ODAD2: variants seen among roughly 807,000 people sequenced by gnomAD.
ODAD2 encodes outer dynein arm docking complex subunit 2, also known as outer dynein arm-docking complex subunit 2.
A neutral mutation model predicts 106.8 loss-of-function variants in ODAD2; 89 were observed. The observed-to-expected ratio is 0.83, with a 90% CI of 0.70 to 0.99. The LOEUF (loss-of-function observed/expected upper bound fraction) is 0.99, where lower values mean the gene tolerates loss of function less well. ODAD2 is among the 50% of genes least tolerant of loss of function. The pLI is 0.00. For missense variants in ODAD2, 1,168 were observed against 1,238.5 expected (o/e 0.94, Z 0.85); for synonymous variants, 404 against 436.2 (o/e 0.93, Z 0.92).
Position 27,892,214 on chromosome 10 carries a change from ATCTTAATAGGAAAAAAGAACTTT to A in ODAD2, c.2610+15426_2610+15448del, listed in dbSNP as rs563307715. ...CTTAGGATCTCTGTCCTTTTTAGCA[ATCTTAATAGGAAAAAAGAACTTT>A]TCTTAGACATAACACAGAAAAGATC... On this transcript the variant is annotated intron_variant, in intron 17 of 19. Coordinates refer to ENST00000305242, the MANE Select transcript of ODAD2 (RefSeq NM_018076.5). Among the ~76,000 whole-genome samples the A allele has an allele frequency of 3.6e-3, 551 of 152,310 alleles. 2 individuals are homozygous for A. Among genetic ancestry groups the A allele is most frequent in the African/African-American group, 0.013 (529 of 41,568 alleles).
intron 17 of ODAD2, among the ~76,000 whole-genome samples, chr10:27,903,153 A>C (rs939852989): frequency 2.0e-5 from 3 of 152,228 alleles, no homozygotes; most frequent in African/African-American, 7.2e-5. Context: ...ACATATGCAA[A>C]TCAATAAACG....
intron 17 of ODAD2, among the ~76,000 whole-genome samples, chr10:27,900,920 C>T (rs189617552): frequency 2.6e-5 from 4 of 152,282 alleles, no homozygotes; most frequent in African/African-American, 9.6e-5. Context: ...ACTTCCCCAA[C>T]CTAGCAAGAC....
intron 9 of ODAD2, among the ~76,000 whole-genome samples, chr10:27,966,822 T>G (rs181854796): frequency 6.6e-6 from 1 of 152,112 alleles, no homozygotes; most frequent in Non-Finnish European, 1.5e-5. Context: ...ATGAAGTAGA[T>G]ATACTTTTCC....
chr10:27,947,132 C>G (rs984624529), intron 10 of ODAD2, among the ~76,000 whole-genome samples: 2 of 152,148 alleles, frequency 1.3e-5, no homozygotes, highest in African/African-American at 4.8e-5. Context: ...AAAGTTACCG[C>G]CACCAATACC....
intron 19 of ODAD2, among the ~76,000 whole-genome samples, chr10:27,837,486 T>G (rs1837984349): frequency 6.6e-6 from 1 of 152,182 alleles, no homozygotes; most frequent in Admixed American, 6.5e-5. Flanking sequence ...CAGAAAATCA[T>G]GGGTCTAGAG....
intron 17 of ODAD2, among the ~76,000 whole-genome samples, chr10:27,885,697 T>A (rs185103228): frequency 2.3e-5 from 1 of 44,406 alleles, no homozygotes; most frequent in Non-Finnish European, 4.0e-5. Context: ...TAATATATAA[T>A]ATATATAAAA....
intron 19 of ODAD2, among the ~76,000 whole-genome samples, chr10:27,819,301 C>T (rs7077784): frequency 0.15 from 22,879 of 151,912 alleles, 3,155 homozygotes; most frequent in African/African-American, 0.35. Context: ...GAGAACTTCA[C>T]CCTGTTTTGA....
At chr10:27,904,218 A>G in intron 17 of ODAD2, 1 of 370,070 alleles carries the variant, frequency 2.7e-6, no homozygotes, top group Admixed American at 2.5e-5. Context: ...TGTGGTGCAC[A>G]TTCCTAAAGC....
intron 19 of ODAD2, among the ~76,000 whole-genome samples, chr10:27,855,143 C>A (rs1007900388): frequency 1.3e-5 from 2 of 151,870 alleles, no homozygotes; most frequent in Non-Finnish European, 2.9e-5. Context: ...AAAGTGTACA[C>A]CTTAAAATGT....
intron 17 of ODAD2, among the ~76,000 whole-genome samples, chr10:27,899,246 G>A (rs1321551233): frequency 6.6e-6 from 1 of 151,974 alleles, no homozygotes; most frequent in Non-Finnish European, 1.5e-5. Flanking sequence ...AAGGGGGAGT[G>A]TGGGACTGTG....
rs553240797 is a variant in ODAD2, at chr10:27,962,909, C to G, written c.1239-1194G>C. Among the ~76,000 whole-genome samples, 14 of 152,192 alleles carry G rather than the reference C, an allele frequency of 9.2e-5. No homozygotes were observed. The East Asian group carries it at 1.5e-3, about 17-fold the overall frequency. ...TCCTGATATTGTTTCCCACATATTC[C>G]TCATCTCACAGGACAGAAGCAAACT... On this transcript the variant is annotated intron_variant, in intron 9 of 19. Transcript: ENST00000305242.
At chr10:27,828,750 G>A (rs906680117) in intron 19 of ODAD2, among the ~76,000 whole-genome samples, 3 of 151,914 alleles carry the variant, frequency 2.0e-5, no homozygotes, top group Non-Finnish European at 4.4e-5. Context: ...TTTACTCTAG[G>A]AAATGCTAAG....
chr10:27,964,743 C>T (rs556574738), intron 9 of ODAD2, among the ~76,000 whole-genome samples: 2 of 152,128 alleles, frequency 1.3e-5, no homozygotes, highest in South Asian at 4.1e-4. Flanking sequence ...AGCTCAGTAC[C>T]TTGTCCACTT....
At chr10:27,868,527 T>C (rs1840619760) in intron 17 of ODAD2, among the ~76,000 whole-genome samples, 1 of 152,200 alleles carries the variant, frequency 6.6e-6, no homozygotes, top group African/African-American at 2.4e-5. Flanking sequence ...TCATGTTCTT[T>C]GCAGGGACAT....
rs529732782 is a variant in ODAD2, at chr10:27,866,607, C to T, written c.2611-3985G>A. 2.6e-5 allele frequency among the ~76,000 whole-genome samples: 4 copies of T among 152,196 alleles called. No individual in the cohort carries two copies. The South Asian group carries it at 8.3e-4, about 32-fold the overall frequency. ...TGCAGGCTTTACAAGAAACATGGTG[C>T]CAGCATCTGCTTCTGGTGAGGGCCT... On this transcript the variant is annotated intron_variant, in intron 17 of 19. Coordinates refer to ENST00000305242, the MANE Select transcript of ODAD2 (RefSeq NM_018076.5).
In ODAD2 at chr10:27,971,261, G is replaced by A; in HGVS notation, c.989C>T (p.Ala330Val). Residue 330 changes from alanine (A) to valine (V), a missense_variant, in exon 8 of 20, where the codon GCC (alanine) becomes GTC (valine). Ala to Val is a moderately conservative substitution (Grantham distance 64). Transcript: ENST00000305242. Reference sequence around the variant, plus strand: ...GGCAGCTGCTTCTTCCTTCTTGGGGGCTTTGCCAAGCTGATCCTTTTCCTT... The same window carrying A: ...GGCAGCTGCTTCTTCCTTCTTGGGGACTTTGCCAAGCTGATCCTTTTCCTT... ...QQKEKDQLGK[A>V]PKKEEAAALR... 6.2e-7 allele frequency: 1 copy of A among 1,613,232 alleles called. No individual in the cohort carries two copies. Among genetic ancestry groups the A allele is most frequent in the Non-Finnish European group, 8.5e-7 (1 of 1,179,528 alleles).
At chr10:27,882,278 A>AGG (rs372893821) in intron 17 of ODAD2, among the ~76,000 whole-genome samples, 109 of 152,272 alleles carry the variant, frequency 7.2e-4, no homozygotes, top group African/African-American at 2.5e-3. Flanking sequence ...TTTACTGAAC[A>AGG]GGGATAGGAT....
intron 17 of ODAD2, among the ~76,000 whole-genome samples, chr10:27,870,849 T>C (rs921278091): frequency 1.5e-4 from 23 of 152,230 alleles, no homozygotes; most frequent in Admixed American, 4.6e-4. Context: ...ACATGATTCA[T>C]AATCCTTTGG....
intron 10 of ODAD2, among the ~76,000 whole-genome samples, chr10:27,948,618 G>A (rs1013644384): frequency 6.6e-6 from 1 of 152,038 alleles, no homozygotes; most frequent in African/African-American, 2.4e-5. Context: ...GGTTTTAGGA[G>A]CTGGAGAAAA....
Sources: allele counts gnomAD v4.1 joint callset (sites outside exome capture counted in the v4.1 genomes callset), GRCh38; gene constraint gnomAD v4.1.1; transcripts MANE v1.5; gene names NCBI Gene and HGNC (gene_info 2026-07-23, HGNC 2026-07-21).